SYNPR: variants seen among roughly 807,000 people sequenced by gnomAD.
SYNPR encodes the protein synaptoporin.
SYNPR carries 23 observed loss-of-function variants against 32.9 expected under a neutral mutation model. The ratio of observed to expected loss-of-function variants is 0.70; its 90% CI spans 0.50 to 0.99. SYNPR has a LOEUF of 0.99. Among genes scored for constraint, SYNPR ranks in the 50% least tolerant of loss-of-function variants. The pLI, the probability that SYNPR is intolerant of heterozygous loss-of-function variation, is 0.00. For synonymous variants in SYNPR, 146 were observed against 135.9 expected, an observed-to-expected ratio of 1.07 and a Z score of -0.52; for missense variants, 318 against 349.3, an observed-to-expected ratio of 0.91 and a Z score of 0.71.
rs79329337 is a variant in SYNPR, at chr3:63,410,872, T to C, written c.85-69960T>C. ...ATGGTTGGGTTGAGTGCCTGACTTA[T>C]GAGGCTGCAGTGTGAACAGGAAGTT... On this transcript the variant is annotated intron_variant, in intron 2 of 5. Coordinates refer to ENST00000478300, the MANE Select transcript of SYNPR (RefSeq NM_001130003.2). Among the ~76,000 whole-genome samples, 935 of 152,268 alleles carry C rather than the reference T, an allele frequency of 6.1e-3. 18 individuals are homozygous for C. The highest frequency in any genetic ancestry group is 0.045 in the East Asian group (233 of 5,188).
chr3:63,597,070 T>C (rs897590781), intron 4 of SYNPR, among the ~76,000 whole-genome samples: 8 of 152,192 alleles, frequency 5.3e-5, no homozygotes, highest in Non-Finnish European at 5.9e-5. Flanking sequence ...ATTAATATGT[T>C]ATATATTAAT....
At chr3:63,423,796 C>CCT (rs1699843089) in intron 2 of SYNPR, 3 of 152,212 alleles carry the variant, frequency 2.0e-5, no homozygotes, top group Admixed American at 2.0e-4. Flanking sequence ...CTGTTACCAG[C>CCT]AGAATAGGGC....
chr3:63,237,896 T>G (rs1288244556), intron 1 of SYNPR, among the ~76,000 whole-genome samples: 2 of 152,024 alleles, frequency 1.3e-5, no homozygotes, highest in East Asian at 3.9e-4. Context: ...GGTTGGAGCA[T>G]CTAAGGCTTG....
intron 3 of SYNPR, among the ~76,000 whole-genome samples, chr3:63,506,709 T>C (rs1300310649): frequency 6.6e-6 from 1 of 152,228 alleles, no homozygotes; most frequent in Non-Finnish European, 1.5e-5. Context: ...TCATATGGCA[T>C]ACTTTGGGAA....
At chr3:63,292,227 A>G (rs2086747380) in intron 2 of SYNPR, among the ~76,000 whole-genome samples, 1 of 152,222 alleles carries the variant, frequency 6.6e-6, no homozygotes, top group African/African-American at 2.4e-5. Flanking sequence ...AAAATTTTTA[A>G]TTGACATGTA....
At chr3:63,322,026 A>T (rs950696884) in intron 2 of SYNPR, among the ~76,000 whole-genome samples, 12 of 151,978 alleles carry the variant, frequency 7.9e-5, no homozygotes, top group Admixed American at 7.2e-4. Flanking sequence ...CACTGTTGTT[A>T]CCAGCCCAAT....
intron 2 of SYNPR, among the ~76,000 whole-genome samples, chr3:63,364,435 A>C (rs899300282): frequency 2.6e-5 from 4 of 152,212 alleles, no homozygotes; most frequent in Non-Finnish European, 4.4e-5. Flanking sequence ...GAGAAAGAAG[A>C]AGTCATACTA....
chr3:63,550,311 CT>C (rs1702478310), intron 3 of SYNPR, among the ~76,000 whole-genome samples: 1 of 151,072 alleles, frequency 6.6e-6, no homozygotes, highest in Admixed American at 6.6e-5. Flanking sequence ...TATATAAGCT[CT>C]TTTAAGCAAC....
At chr3:63,608,101 C>T (rs1700149458) in intron 4 of SYNPR, among the ~76,000 whole-genome samples, 1 of 151,946 alleles carries the variant, frequency 6.6e-6, no homozygotes, top group Non-Finnish European at 1.5e-5. Flanking sequence ...TATATATAGT[C>T]AATCTGAATT....
chr3:63,356,566 T>G (rs1474868151), intron 2 of SYNPR, among the ~76,000 whole-genome samples: 1 of 152,246 alleles, frequency 6.6e-6, no homozygotes, highest in East Asian at 1.9e-4. Context: ...GTGTCTTCCC[T>G]GAATCCCAGA....
intron 2 of SYNPR, among the ~76,000 whole-genome samples, chr3:63,458,464 T>A (rs768721701): frequency 2.0e-5 from 3 of 152,016 alleles, no homozygotes; most frequent in Non-Finnish European, 4.4e-5. Context: ...ATTAGAAAAA[T>A]GAGGATAATT....
At chr3:63,253,709 A>C (rs1341118482) in intron 2 of SYNPR, among the ~76,000 whole-genome samples, 1 of 152,144 alleles carries the variant, frequency 6.6e-6, no homozygotes, top group African/African-American at 2.4e-5. Context: ...ACACTTTTAC[A>C]CTGTTGGTGG....
rs373591466 is a variant in SYNPR, at chr3:63,476,485, G to A, written c.85-4347G>A. Among the ~76,000 whole-genome samples, 22 of 152,276 alleles carry A rather than the reference G, an allele frequency of 1.4e-4. No homozygotes were observed. The East Asian group carries it at 4.1e-3, about 28-fold the overall frequency. ...CTTTGGTAATGAGCTTCCAGATAAT[G>A]TGATTTTGAGACACTCAGGAGAAAC... On this transcript the variant is annotated intron_variant, in intron 2 of 5. Coordinates refer to ENST00000478300, the MANE Select transcript of SYNPR (RefSeq NM_001130003.2).
At chr3:63,458,735 C>T (rs1700528857) in intron 2 of SYNPR, among the ~76,000 whole-genome samples, 1 of 152,118 alleles carries the variant, frequency 6.6e-6, no homozygotes, top group South Asian at 2.1e-4. Context: ...ACTCAGTCAT[C>T]ATCTCTATGA....
At chr3:63,264,926 T>TGGGG (rs34138232) in intron 2 of SYNPR, among the ~76,000 whole-genome samples, 7 of 151,304 alleles carry the variant, frequency 4.6e-5, no homozygotes, top group South Asian at 2.1e-4. Context: ...CTCAGAATCA[T>TGGGG]GGGGGAGCCA....
At chr3:63,367,779 A>G (rs1464435822) in intron 2 of SYNPR, among the ~76,000 whole-genome samples, 2 of 152,212 alleles carry the variant, frequency 1.3e-5, no homozygotes, top group Non-Finnish European at 2.9e-5. Context: ...CTTTTAAGTA[A>G]TAAAATAATA....
At chr3:63,510,081 GGTGA>G (rs1260950605) in intron 3 of SYNPR, among the ~76,000 whole-genome samples, 1 of 152,034 alleles carries the variant, frequency 6.6e-6, no homozygotes, top group Non-Finnish European at 1.5e-5. Flanking sequence ...TGGGGTTGAT[GGTGA>G]GTATGTGGCA....
Position 63,480,821 on chromosome 3 carries a change from G to A in SYNPR, c.85-11G>A, listed in dbSNP as rs750152124. The A allele has an allele frequency of 4.3e-6, 7 of 1,612,144 alleles. No individual in the cohort carries two copies. The highest frequency in any genetic ancestry group is 1.3e-5 in the African/African-American group (1 of 74,864). On this transcript the variant is annotated splice_polypyrimidine_tract_variant and intron_variant, in intron 2 of 5. Coordinates refer to ENST00000478300, the MANE Select transcript of SYNPR (RefSeq NM_001130003.2). The stretch of plus-strand genomic sequence containing the variant: ...ATAACTGCCTTCTATTTGTTTAATT[G>A]TTCTCCACAGCTTTTTGCAATCTTT...
At chr3:63,490,951 A>G (rs1701247356) in intron 3 of SYNPR, among the ~76,000 whole-genome samples, 1 of 151,986 alleles carries the variant, frequency 6.6e-6, no homozygotes, top group Non-Finnish European at 1.5e-5. Context: ...TTTAGTAGAG[A>G]TGGGGTTTCA....
Sources: allele counts gnomAD v4.1 joint callset (sites outside exome capture counted in the v4.1 genomes callset), GRCh38; gene constraint gnomAD v4.1.1; transcripts MANE v1.5; gene names NCBI Gene and HGNC (gene_info 2026-07-23, HGNC 2026-07-21).